Variants in OPCML observed in about 807,000 individuals in gnomAD.
OPCML encodes the protein opioid binding protein/cell adhesion molecule like.
In OPCML, 13 loss-of-function variants were observed where a neutral mutation model predicts 37.8. The observed-to-expected ratio is 0.34, with a 90% CI of 0.22 to 0.55. The LOEUF is 0.55. Ranked by LOEUF, OPCML falls within the 20% of genes least tolerant of loss-of-function variation. The pLI is 0.91. For missense variants in OPCML, 341 were observed against 435.6 expected (o/e 0.78, Z 1.93); for synonymous variants, 176 against 168.8 (o/e 1.04, Z -0.33).
chr11:133,263,323 A>C (rs921819858), intron 1 of OPCML, among the ~76,000 whole-genome samples: 1 of 152,192 alleles, frequency 6.6e-6, no homozygotes, highest in African/African-American at 2.4e-5. Context: ...CAGTGGTCCC[A>C]TAAGATTATA....
chr11:132,630,526 A>ATG (rs140438717), intron 3 of OPCML, among the ~76,000 whole-genome samples: 4,711 of 148,940 alleles, frequency 0.032, 238 homozygotes, highest in East Asian at 0.2. Flanking sequence ...AGGACACAAT[A>ATG]TGTGTGTGTG....
chr11:132,489,491 T>C (rs1186733386), intron 4 of OPCML, among the ~76,000 whole-genome samples: 1 of 152,218 alleles, frequency 6.6e-6, no homozygotes, highest in Non-Finnish European at 1.5e-5. Context: ...TAATTATACA[T>C]GCTGGACTTT....
chr11:132,778,516 T>G (rs1197011246), intron 2 of OPCML, among the ~76,000 whole-genome samples: 1 of 152,234 alleles, frequency 6.6e-6, no homozygotes, highest in Non-Finnish European at 1.5e-5. Flanking sequence ...AAGAGGAAAC[T>G]TATTTGTACA....
At chr11:132,867,864 CCAAA>C (rs1942635438) in intron 2 of OPCML, among the ~76,000 whole-genome samples, 1 of 152,080 alleles carries the variant, frequency 6.6e-6, no homozygotes, top group Admixed American at 6.6e-5. Context: ...TGGAAAAGTA[CCAAA>C]CAGTGTTATG....
intron 2 of OPCML, among the ~76,000 whole-genome samples, chr11:132,761,935 T>A (rs1444659221): frequency 2.0e-5 from 3 of 152,188 alleles, no homozygotes; most frequent in African/African-American, 7.2e-5. Context: ...TTTTTCCTCA[T>A]CTTCATGGAT....
chr11:133,181,248 A>G (rs1480916822), intron 1 of OPCML, among the ~76,000 whole-genome samples: 3 of 151,796 alleles, frequency 2.0e-5, no homozygotes, highest in Non-Finnish European at 1.5e-5. Flanking sequence ...GACTAAATAC[A>G]CACACAGCGG....
Position 132,589,808 on chromosome 11 carries a change from C to T in OPCML, c.380-60622G>A, listed in dbSNP as rs565947853. Among the ~76,000 whole-genome samples the T allele has an allele frequency of 5.3e-5, 8 of 152,208 alleles. No homozygotes were observed. The South Asian group carries it at 6.2e-4, about 12-fold the overall frequency. ...TGAATTGGAAAGGAAGTCTCTTTTG[C>T]GGAGGAGAAATTTTCCTTAGATATT... On this transcript the variant is annotated intron_variant, in intron 3 of 7. Coordinates refer to ENST00000524381, the MANE Select transcript of OPCML (RefSeq NM_001012393.5).
At chr11:133,477,874 A>T (rs560719640) in intron 1 of OPCML, among the ~76,000 whole-genome samples, 2 of 152,344 alleles carry the variant, frequency 1.3e-5, no homozygotes, top group African/African-American at 4.8e-5. Context: ...ACGTAGGGGT[A>T]ACCAAAGACG....
chr11:132,937,595 G>GT (rs1945428755), intron 2 of OPCML, among the ~76,000 whole-genome samples: 1 of 88,734 alleles, frequency 1.1e-5, no homozygotes, highest in Middle Eastern at 5.7e-3. Flanking sequence ...GCGTGTGTGG[G>GT]GTGTGTGTGT....
chr11:132,429,313 C>T (rs530055291), intron 7 of OPCML, among the ~76,000 whole-genome samples: 151 of 152,274 alleles, frequency 9.9e-4, no homozygotes, highest in Non-Finnish European at 1.8e-3. Context: ...CTGTGGCAAA[C>T]CGACAGGAGT....
At chr11:133,234,740 T>C (rs1347758860) in intron 1 of OPCML, among the ~76,000 whole-genome samples, 1 of 152,256 alleles carries the variant, frequency 6.6e-6, no homozygotes, top group Non-Finnish European at 1.5e-5. Context: ...TCTTCAGTGG[T>C]TTCATTCTCC....
At chr11:133,394,810 T>C (rs1945251547) in intron 1 of OPCML, among the ~76,000 whole-genome samples, 1 of 152,252 alleles carries the variant, frequency 6.6e-6, no homozygotes, top group South Asian at 2.1e-4. Context: ...ATCTTGACTA[T>C]TGTGAACAGT....
chr11:132,672,531 G>C (rs1355645589), intron 2 of OPCML, among the ~76,000 whole-genome samples: 1 of 152,122 alleles, frequency 6.6e-6, no homozygotes, highest in East Asian at 1.9e-4. Flanking sequence ...CTTGCTCTCT[G>C]TGTGTGGCTC....
At chr11:133,169,357 T>A (rs1950257816) in intron 1 of OPCML, among the ~76,000 whole-genome samples, 1 of 152,152 alleles carries the variant, frequency 6.6e-6, no homozygotes, top group Non-Finnish European at 1.5e-5. Flanking sequence ...GATCCTTTAC[T>A]GAGTTAAAAA....
intron 1 of OPCML, among the ~76,000 whole-genome samples, chr11:133,481,525 AT>A (rs1947372038): frequency 6.6e-6 from 1 of 152,200 alleles, no homozygotes; most frequent in Non-Finnish European, 1.5e-5. Flanking sequence ...AGAAAATAAA[AT>A]GTATTCAGGC....
intron 1 of OPCML, among the ~76,000 whole-genome samples, chr11:133,060,777 C>T (rs539503600): frequency 2.0e-5 from 3 of 152,350 alleles, no homozygotes; most frequent in African/African-American, 7.2e-5. Context: ...CACACAGCAG[C>T]CCCTGGCTAA....
At chr11:132,488,902 G>A (rs1387148039) in intron 4 of OPCML, among the ~76,000 whole-genome samples, 1 of 152,166 alleles carries the variant, frequency 6.6e-6, no homozygotes, top group Non-Finnish European at 1.5e-5. Flanking sequence ...GTCAGACCAT[G>A]CTGGTTTGAG....
At chr11:133,434,212 C>T (rs1946185121) in intron 1 of OPCML, among the ~76,000 whole-genome samples, 1 of 152,158 alleles carries the variant, frequency 6.6e-6, no homozygotes, top group Non-Finnish European at 1.5e-5. Context: ...TGCCTCCTCA[C>T]TCACGTCTTC....
At chr11:132,790,898 G>A (rs1040666050) in intron 2 of OPCML, among the ~76,000 whole-genome samples, 9 of 152,178 alleles carry the variant, frequency 5.9e-5, no homozygotes, top group African/African-American at 9.7e-5. Flanking sequence ...GAAAGATTTC[G>A]ATTTTGGCTC....
Sources: allele counts gnomAD v4.1 joint callset (sites outside exome capture counted in the v4.1 genomes callset), GRCh38; gene constraint gnomAD v4.1.1; transcripts MANE v1.5; gene names NCBI Gene and HGNC (gene_info 2026-07-23, HGNC 2026-07-21).